The following PLIN1 variants were observed in gnomAD, a reference collection of about 807,000 sequenced individuals.
The protein encoded by PLIN1 is perilipin-1.
PLIN1 carries 37 observed loss-of-function variants against 45.8 expected under a neutral mutation model. The observed-to-expected ratio is 0.81, with a 90% CI of 0.62 to 1.06. The LOEUF (loss-of-function observed/expected upper bound fraction) is 1.06. PLIN1 is among the 50% of genes least tolerant of loss of function. The pLI, the probability that PLIN1 is intolerant of heterozygous loss-of-function variation, is 0.00. For missense variants in PLIN1, 776 were observed against 716.5 expected (o/e 1.08, Z -0.95); for synonymous variants, 340 against 309.2 (o/e 1.10, Z -1.05).
chr15:89,667,121 T>A lies in PLIN1; in HGVS notation c.1024A>T (p.Thr342Ser), dbSNP rs936824434. 13 of 1,613,580 alleles carry A rather than the reference T, an allele frequency of 8.1e-6. No homozygotes were observed. Among genetic ancestry groups the A allele is most frequent in the Non-Finnish European group, 1.1e-5 (13 of 1,179,962 alleles). ...LGGVAHTLQKTLQTTISAVTW... is the reference protein window; with the variant it reads ...LGGVAHTLQKSLQTTISAVTW... ...ACAGCCGAGATGGTGGTCTGGAGGGTCTTCTGCAGGGTATGTGCCACACCA... is the reference window on the plus strand; with the variant it reads ...ACAGCCGAGATGGTGGTCTGGAGGGACTTCTGCAGGGTATGTGCCACACCA... Residue 342 changes from threonine to serine, a missense_variant, in exon 8 of 9, where the codon ACC (threonine) becomes TCC (serine). Coordinates refer to ENST00000300055, the MANE Select transcript of PLIN1 (RefSeq NM_002666.5).
At chr15:89,668,800 T>A (rs1386432607) in intron 6 of PLIN1, among the ~76,000 whole-genome samples, 3 of 152,218 alleles carry the variant, frequency 2.0e-5, no homozygotes, top group Non-Finnish European at 4.4e-5. Context: ...GAATGAATGA[T>A]CCACGCCTGA....
At chr15:89,667,220 TCC>T (rs1964362420) in intron 7 of PLIN1, 39 bp from the exon 8 acceptor site, 1 of 1,609,462 alleles carries the variant, frequency 6.2e-7, no homozygotes, top group East Asian at 2.2e-5. Flanking sequence ...CTGTGGTAAC[TCC>T]CCTGACCCTT....
intron 7 of PLIN1, 144 bp downstream of exon 7, chr15:89,667,458 G>A: frequency 1.5e-6 from 2 of 1,294,448 alleles, no homozygotes; most frequent in African/African-American, 2.9e-5. Context: ...TCGCCAGCTG[G>A]GCATTTGGGG....
At chr15:89,678,924 C>G (rs1039209610) in intron 1 of PLIN1, among the ~76,000 whole-genome samples, 2 of 152,124 alleles carry the variant, frequency 1.3e-5, no homozygotes, top group African/African-American at 2.4e-5. Context: ...TGGCTCAATG[C>G]AGCCTTGACC....
Position 89,669,612 on chromosome 15 carries a change from C to G in PLIN1, c.659G>C (p.Ser220Thr). Reference sequence around the variant, plus strand: ...GGTGTTGGTCAGAGCCCCAACCCTGCTCAAGAGGCTTGGCTTGGCCTTGGG... The same window carrying G: ...GGTGTTGGTCAGAGCCCCAACCCTGGTCAAGAGGCTTGGCTTGGCCTTGGG... The part of the protein sequence containing the change: ...KSPKAKPSLL[S>T]RVGALTNTLS... The change falls in exon 6 of 9, where the codon AGC (serine) becomes ACC (threonine). Residue 220 changes from serine (S) to threonine (T), a missense_variant. Coordinates refer to ENST00000300055, the MANE Select transcript of PLIN1 (RefSeq NM_002666.5). 1 of 1,613,956 alleles carries G rather than the reference C, an allele frequency of 6.2e-7. No homozygotes were observed. Among genetic ancestry groups the G allele is most frequent in the Non-Finnish European group, 8.5e-7 (1 of 1,179,890 alleles).
chr15:89,665,557 CG>C lies in PLIN1; in HGVS notation c.*25del, dbSNP rs1160762396. 5.9e-6 allele frequency: 9 copies of C among 1,522,688 alleles called. No homozygotes were observed. The highest frequency in any genetic ancestry group is 7.0e-6 in the Non-Finnish European group (8 of 1,137,312). The allele number at this position is 1,522,688 out of a possible 1,614,324, so 94.3% of individuals were successfully genotyped here. On this transcript the variant is annotated 3_prime_UTR_variant, in exon 9 of 9. Coordinates refer to ENST00000300055, the MANE Select transcript of PLIN1 (RefSeq NM_002666.5). Reference sequence around the variant, plus strand: ...TATTTGTTAGAGAAACCCGCCGGCCCGGGGCGCGGCGGCTGGTGCGGCGACT... The same window carrying C: ...TATTTGTTAGAGAAACCCGCCGGCCCGGGCGCGGCGGCTGGTGCGGCGACT...
In PLIN1 at chr15:89,665,500, G is replaced by T; in HGVS notation, c.*83C>A. On this transcript the variant is annotated 3_prime_UTR_variant, in exon 9 of 9. Transcript: ENST00000300055. ...TCCCCAGGGGACCACTTTGAAAGTG[G>T]CAACGCTCGCCTGGGCAGTGCGGGT... The T allele has an allele frequency of 1.5e-6, 2 of 1,378,108 alleles. No individual in the cohort carries two copies. The highest frequency in any genetic ancestry group is 1.5e-5 in the African/African-American group (1 of 68,016). 85.4% of individuals were successfully genotyped at this position (1,378,108 alleles called of 1,614,324 possible).
In PLIN1 at chr15:89,665,807, G is replaced by A. The variant is rs1020936573; in HGVS notation, c.1345C>T (p.Leu449Phe). 4 of 1,357,610 alleles carry A rather than the reference G, an allele frequency of 2.9e-6. No homozygotes were observed. Among genetic ancestry groups the A allele is most frequent in the Non-Finnish European group, 3.8e-6 (4 of 1,054,640 alleles). 84.1% of individuals were successfully genotyped at this position (1,357,610 alleles called of 1,614,324 possible). The change falls in exon 9 of 9, where the codon CTC (leucine) becomes TTC (phenylalanine). Residue 449 changes from leucine (L) to phenylalanine (F), a missense_variant. Physicochemically the swap from Leu to Phe is conservative, Grantham distance 22 (BLOSUM62 0). Coordinates refer to ENST00000300055, the MANE Select transcript of PLIN1 (RefSeq NM_002666.5). ...PSAGPEPAPR[L>F]AQPRRSLRSA... ...CGCAGGCTGCGGCGGGGCTGTGCGA[G>A]ACGCGGGGCGGGCTCCGGGCCGGCG...
intron 2 of PLIN1, among the ~76,000 whole-genome samples, chr15:89,673,777 C>T (rs1197573878): frequency 6.6e-6 from 1 of 152,032 alleles, no homozygotes; most frequent in Non-Finnish European, 1.5e-5. Context: ...TTTTAGTCCA[C>T]CTTTGATTGG....
intron 2 of PLIN1, among the ~76,000 whole-genome samples, chr15:89,675,444 A>AAAAAAAC (rs1567080451): frequency 7.2e-6 from 1 of 138,486 alleles, no homozygotes; most frequent in Non-Finnish European, 1.6e-5. Context: ...AAAAAAAAAA[A>AAAAAAAC]AAAGCTGGCC....
At position 89,665,075 on chromosome 15, in the gene PLIN1, G is replaced by A. The variant is rs1001172221; in HGVS notation, c.*508C>T. ...TTCCCTTCAAAGTAGCCTGCTGGGA[G>A]CCTAGATCATCAGAGGATGTTCATC... On this transcript the variant is annotated 3_prime_UTR_variant, in exon 9 of 9. Transcript: ENST00000300055. 4.2e-5 allele frequency: 16 copies of A among 381,096 alleles called. No homozygotes were observed. Among genetic ancestry groups the A allele is most frequent in the African/African-American group, 3.4e-4 (16 of 47,630 alleles). 23.6% of individuals were successfully genotyped at this position (381,096 alleles called of 1,614,324 possible). A position where few individuals can be genotyped will look rare whatever the true frequency, so the allele number is the denominator to read the frequency against.
At chr15:89,678,200 A>G (rs1008266736) in intron 1 of PLIN1, among the ~76,000 whole-genome samples, 6 of 151,698 alleles carry the variant, frequency 4.0e-5, no homozygotes, top group African/African-American at 1.4e-4. Context: ...GCCAAGAATA[A>G]TGTTTCCTAT....
rs747403798 is a variant in PLIN1, at chr15:89,667,140, C to T, written c.1005G>A (p.Val335=). 5 of 1,613,898 alleles carry T rather than the reference C, an allele frequency of 3.1e-6. No homozygotes were observed. The highest frequency in any genetic ancestry group is 3.4e-6 in the Non-Finnish European group (4 of 1,180,014). ...GGAGGGTCTTCTGCAGGGTATGTGC[C>T]ACACCACCCAGGAGGCCTCGAGGGC... is the stretch of plus-strand genomic sequence containing the variant. ...LPGPRGLLGG[V]AHTLQKTLQT... The change falls in exon 8 of 9, where the codon GTG becomes GTA. Residue 335 remains valine (V), a synonymous_variant. Coordinates refer to ENST00000300055, the MANE Select transcript of PLIN1 (RefSeq NM_002666.5).
intron 3 of PLIN1, 116 bp downstream of exon 3, chr15:89,673,094 G>T: frequency 1.3e-6 from 1 of 787,194 alleles, no homozygotes; most frequent in Non-Finnish European, 2.2e-6. Context: ...GATGTGGGCA[G>T]TTAAGCAGAC....
At position 89,665,778 on chromosome 15, in the gene PLIN1, G is replaced by A. The variant is rs1964327349; in HGVS notation, c.1374C>T (p.Ser458=). 8 of 1,257,486 alleles carry A rather than the reference G, an allele frequency of 6.4e-6. 1 individual carries two copies. The South Asian group carries it at 2.3e-4, about 36-fold the overall frequency. 77.9% of individuals were successfully genotyped at this position (1,257,486 alleles called of 1,614,324 possible). A position where few individuals can be genotyped will look rare whatever the true frequency, so the allele number is the denominator to read the frequency against. The change falls in exon 9 of 9, where the codon AGC becomes AGT. Residue 458 remains serine (S), a synonymous_variant. Coordinates refer to ENST00000300055, the MANE Select transcript of PLIN1 (RefSeq NM_002666.5). ...CGGGGGGCGCGCCGGGGCTCTGCGC[G>A]CTGCGCAGGCTGCGGCGGGGCTGTG... ...RLAQPRRSLR[S]AQSPGAPPGP...
chr15:89,675,008 C>A (rs563458266), intron 2 of PLIN1, among the ~76,000 whole-genome samples: 1 of 152,082 alleles, frequency 6.6e-6, no homozygotes, highest in Non-Finnish European at 1.5e-5. Context: ...CCCGGCTACT[C>A]GGGAACCTGA....
rs1228251961 is a variant in PLIN1, at chr15:89,665,552, C to T, written c.*31G>A. ...CTGTTTATTTGTTAGAGAAACCCGC[C>T]GGCCCGGGGCGCGGCGGCTGGTGCG... On this transcript the variant is annotated 3_prime_UTR_variant, in exon 9 of 9. Transcript: ENST00000300055. 6.6e-7 allele frequency: 1 copy of T among 1,520,906 alleles called. No homozygotes were observed. Among genetic ancestry groups the T allele is most frequent in the Admixed American group, 2.0e-5 (1 of 50,152 alleles). 94.2% of individuals were successfully genotyped at this position (1,520,906 alleles called of 1,614,324 possible).
intron 6 of PLIN1, 86 bp from the exon 7 acceptor site, chr15:89,667,879 G>T: frequency 6.5e-7 from 1 of 1,528,606 alleles, no homozygotes; most frequent in Admixed American, 2.0e-5. Context: ...CTCGCCCCCA[G>T]GGTCCGGGCC....
Position 89,665,768 on chromosome 15 carries a change from G to C in PLIN1, c.1384C>G (p.Pro462Ala). 1 of 1,256,908 alleles carries C rather than the reference G, an allele frequency of 8.0e-7. No individual in the cohort carries two copies. The highest frequency in any genetic ancestry group is 3.1e-5 in the South Asian group (1 of 32,524). The allele number at this position is 1,256,908 out of a possible 1,614,324, so 77.9% of individuals were successfully genotyped here. The change falls in exon 9 of 9, where the codon CCC becomes GCC. Residue 462 changes from proline (P) to alanine (A), a missense_variant. Coordinates refer to ENST00000300055, the MANE Select transcript of PLIN1 (RefSeq NM_002666.5). Reference protein sequence around the residue: ...PRRSLRSAQSPGAPPGPGLED... With the variant: ...PRRSLRSAQSAGAPPGPGLED... ...AGGCCCGGGCCGGGGGGCGCGCCGG[G>C]GCTCTGCGCGCTGCGCAGGCTGCGG...
Sources: gnomAD v4.1 joint callset for allele counts (sites outside exome capture counted in the v4.1 genomes callset) on GRCh38, gnomAD v4.1.1 for gene constraint, MANE v1.5 for transcripts, NCBI Gene and HGNC (gene_info 2026-07-23, HGNC 2026-07-21) for gene names.